PTK2: variants seen among roughly 807,000 people sequenced by gnomAD.
PTK2 encodes the protein focal adhesion kinase 1.
In PTK2, 45 loss-of-function variants were observed where a neutral mutation model predicts 150.1. The ratio of observed to expected loss-of-function variants is 0.30; its 90% confidence interval spans 0.24 to 0.38. PTK2 has a LOEUF of 0.38. PTK2 is among the 10% of genes least tolerant of loss of function. The pLI, the probability that PTK2 is intolerant of heterozygous loss-of-function variation, is 1.00. For missense variants in PTK2, 919 were observed against 1,307.3 expected, an observed-to-expected ratio of 0.70 and a Z score of 4.58; for synonymous variants, 432 against 449.2, an observed-to-expected ratio of 0.96 and a Z score of 0.48.
intron 1 of PTK2, among the ~76,000 whole-genome samples, chr8:140,927,973 A>ATATATAT (rs1257108435): frequency 0.016 from 1,191 of 72,390 alleles, 4 homozygotes; most frequent in Middle Eastern, 0.025. Flanking sequence ...AAAAAAAAAA[A>ATATATAT]AAATATATAT....
At position 140,764,251 on chromosome 8, in the gene PTK2, G is replaced by A. The variant is rs759201511; in HGVS notation, c.1217C>T (p.Thr406Ile). The A allele has an allele frequency of 3.1e-6, 5 of 1,610,732 alleles. No individual in the cohort carries two copies. The highest frequency in any genetic ancestry group is 1.3e-5 in the African/African-American group (1 of 74,858). ...TTACTTACTTGAGGGCATGGTGTAA[G>A]TATCTTCTTCATCTATAATCTCAGC... Residue 406 changes from threonine to isoleucine, a missense_variant, in exon 15 of 32, where the codon ACT becomes ATT. Transcript: ENST00000522684.
chr8:140,791,681 T>C (rs2100088534), intron 13 of PTK2, among the ~76,000 whole-genome samples: 1 of 152,088 alleles, frequency 6.6e-6, no homozygotes. Context: ...GGTGGGTCAA[T>C]GAGGTTTCTA....
At chr8:140,799,985 T>C (rs937377688) in intron 12 of PTK2, among the ~76,000 whole-genome samples, 1 of 152,202 alleles carries the variant, frequency 6.6e-6, no homozygotes, top group Non-Finnish European at 1.5e-5. Flanking sequence ...GTTTCTAGGA[T>C]ATTTATTCAT....
At chr8:140,971,324 A>G (rs1310735074) in intron 1 of PTK2, among the ~76,000 whole-genome samples, 1 of 152,262 alleles carries the variant, frequency 6.6e-6, no homozygotes, top group Non-Finnish European at 1.5e-5. Flanking sequence ...TAAATCTGTC[A>G]GGTGTTATTG....
chr8:140,742,085 A>G (rs2100056056), intron 20 of PTK2, among the ~76,000 whole-genome samples: 2 of 152,064 alleles, frequency 1.3e-5, no homozygotes, highest in African/African-American at 4.8e-5. Context: ...GTAATGAGCC[A>G]TGTTTGCGCC....
At chr8:140,695,237 T>G (rs1431025324) in intron 26 of PTK2, among the ~76,000 whole-genome samples, 1 of 152,120 alleles carries the variant, frequency 6.6e-6, no homozygotes, top group Non-Finnish European at 1.5e-5. Flanking sequence ...CCTATACCAA[T>G]TCACCAAATC....
At position 140,803,527 on chromosome 8, in the gene PTK2, CG is replaced by C. The variant is rs1566706733; in HGVS notation, c.975+15del. 1.3e-6 allele frequency: 2 copies of C among 1,579,690 alleles called. No homozygotes were observed. Among genetic ancestry groups the C allele is most frequent in the Non-Finnish European group, 8.7e-7 (1 of 1,148,824 alleles). Reference sequence around the variant, plus strand: ...TTAACCATTTTCCCTTAATGATGAACGTAACAGTTCCTTACCTCGGGTGCAC... The same window carrying C: ...TTAACCATTTTCCCTTAATGATGAACTAACAGTTCCTTACCTCGGGTGCAC... On this transcript the variant is annotated intron_variant, in intron 11 of 31. Coordinates refer to ENST00000522684, the Ensembl canonical transcript of PTK2.
chr8:140,837,280 G>C (rs535415920), intron 7 of PTK2, among the ~76,000 whole-genome samples: 21 of 152,256 alleles, frequency 1.4e-4, no homozygotes, highest in African/African-American at 5.1e-4. Flanking sequence ...TACAAAAAAA[G>C]TACCTTGGTT....
chr8:140,810,209 G>A (rs1262227171), intron 10 of PTK2, among the ~76,000 whole-genome samples: 1 of 152,252 alleles, frequency 6.6e-6, no homozygotes, highest in Admixed American at 6.5e-5. Flanking sequence ...GCTTAGAGAA[G>A]TGCTAGGGAT....
intron 24 of PTK2, 42 bp downstream of exon 27, chr8:140,706,077 A>T: frequency 6.7e-7 from 1 of 1,492,884 alleles, no homozygotes; most frequent in Non-Finnish European, 9.3e-7. Context: ...AAAGCGCTAA[A>T]TAATAAAATA....
chr8:140,821,484 G>C (rs143055710), intron 8 of PTK2: 1 of 152,354 alleles, frequency 6.6e-6, no homozygotes, highest in East Asian at 1.9e-4. Flanking sequence ...GCAAACATAA[G>C]AGGCAGGCTT....
intron 14 of PTK2, among the ~76,000 whole-genome samples, chr8:140,785,310 T>TA (rs1325298189): frequency 6.6e-6 from 1 of 152,206 alleles, no homozygotes; most frequent in Non-Finnish European, 1.5e-5. Context: ...TGGATTTATT[T>TA]AAAAACAATT....
chr8:140,746,969 C>T, intron 17 of PTK2, 109 bp from the exon 21 acceptor site: 1 of 680,914 alleles, frequency 1.5e-6, no homozygotes, highest in Non-Finnish European at 2.4e-6. Flanking sequence ...CGACTCATTG[C>T]AACCTCCACC....
At chr8:140,960,849 G>A (rs1044789498) in intron 1 of PTK2, among the ~76,000 whole-genome samples, 13 of 151,910 alleles carry the variant, frequency 8.6e-5, no homozygotes, top group South Asian at 4.2e-4. Flanking sequence ...GCGTGGTGGC[G>A]CATGCCTGTA....
At chr8:140,923,924 C>T (rs1178225269) in intron 2 of PTK2, among the ~76,000 whole-genome samples, 1 of 152,214 alleles carries the variant, frequency 6.6e-6, no homozygotes, top group Non-Finnish European at 1.5e-5. Flanking sequence ...CCGCCCTACA[C>T]TCTATTCACA....
chr8:140,757,526 A>T (rs550714102), intron 16 of PTK2, among the ~76,000 whole-genome samples: 34 of 152,132 alleles, frequency 2.2e-4, no homozygotes, highest in African/African-American at 6.3e-4. Context: ...ATCTTTGATT[A>T]AAAAAAACCC....
intron 2 of PTK2, among the ~76,000 whole-genome samples, chr8:140,906,649 C>T (rs2100160992): frequency 6.6e-6 from 1 of 151,840 alleles, no homozygotes; most frequent in Non-Finnish European, 1.5e-5. Flanking sequence ...GTGGTGGTTA[C>T]CAGAGGCTGG....
intron 23 of PTK2, among the ~76,000 whole-genome samples, chr8:140,714,184 G>A (rs953035366): frequency 3.3e-5 from 5 of 152,146 alleles, no homozygotes; most frequent in South Asian, 2.1e-4. Context: ...CACCACACCC[G>A]GCCTGTAAGT....
At chr8:140,981,431 A>T (rs977111331) in intron 1 of PTK2, among the ~76,000 whole-genome samples, 2 of 152,122 alleles carry the variant, frequency 1.3e-5, no homozygotes, top group African/African-American at 2.4e-5. Flanking sequence ...GTATGTGATC[A>T]GGGAACACAC....
Sources: allele counts gnomAD v4.1 joint callset (sites outside exome capture counted in the v4.1 genomes callset), GRCh38; gene constraint gnomAD v4.1.1; transcripts MANE v1.5; gene names NCBI Gene and HGNC (gene_info 2026-07-23, HGNC 2026-07-21).